Variants in FRY observed in about 807,000 individuals in gnomAD.
FRY encodes FRY microtubule binding protein.
Under a neutral mutation model 348.4 loss-of-function variants are expected in FRY, and 128 were observed. The observed-to-expected ratio is 0.37, with a 90% CI of 0.32 to 0.43. The LOEUF (loss-of-function observed/expected upper bound fraction) is 0.43. Among genes scored for constraint, FRY ranks in the 20% least tolerant of loss-of-function variants. The pLI, the probability that FRY is intolerant of heterozygous loss-of-function variation, is 1.00. For synonymous variants in FRY, 1,370 were observed against 1,374.7 expected (o/e 1.00, Z 0.08); for missense variants, 2,736 against 3,695.2 (o/e 0.74, Z 6.73).
chr13:32,213,056 G>A (rs1884775411), intron 35 of FRY, among the ~76,000 whole-genome samples: 1 of 152,124 alleles, frequency 6.6e-6, no homozygotes, highest in South Asian at 2.1e-4. Context: ...GATCCTCACG[G>A]TGCTTCAGCT....
intron 36 of FRY, among the ~76,000 whole-genome samples, chr13:32,221,927 CAGA>C (rs749519538): frequency 1.3e-4 from 20 of 152,206 alleles, no homozygotes; most frequent in South Asian, 4.1e-4. Context: ...ATGAACAGAA[CAGA>C]AGAAGTCCCC....
At chr13:32,210,484 C>T (rs1884625802) in intron 33 of FRY, among the ~76,000 whole-genome samples, 1 of 152,162 alleles carries the variant, frequency 6.6e-6, no homozygotes, top group Non-Finnish European at 1.5e-5. Flanking sequence ...AAGAGAATAG[C>T]AGGGGACTGG....
intron 33 of FRY, among the ~76,000 whole-genome samples, chr13:32,210,388 C>CAGGT (rs1884619234): frequency 6.6e-6 from 1 of 152,080 alleles, no homozygotes; most frequent in Non-Finnish European, 1.5e-5. Flanking sequence ...ACTATGAGGC[C>CAGGT]TGCAATAATG....
chr13:32,202,238 A>G (rs1884073188), intron 30 of FRY, 118 bp from the exon 31 acceptor site: 2 of 892,944 alleles, frequency 2.2e-6, no homozygotes, highest in Admixed American at 1.8e-5. Flanking sequence ...CTTTAATTCT[A>G]TTTTTAAATG....
rs914638822 is a variant in FRY at position 32,265,614 on chromosome 13, G to A, written c.7944G>A (p.Ala2648=). 3.3e-5 allele frequency: 54 copies of A among 1,613,724 alleles called. No individual in the cohort carries two copies. The highest frequency in any genetic ancestry group is 4.4e-5 in the Non-Finnish European group (52 of 1,179,800). The change falls in exon 54 of 61, where the codon GCG becomes GCA. Residue 2648 remains alanine, a splice_region_variant and synonymous_variant. Transcript: ENST00000542859. ...GGGCACTGGACCAGTTTACCCTGGCGAGGTAATGGAGCCCTTGGCTGATGT... is the reference window on the plus strand; with the variant it reads ...GGGCACTGGACCAGTTTACCCTGGCAAGGTAATGGAGCCCTTGGCTGATGT... ...GNRALDQFTL[A]SFGEGDRGVS...
At position 32,066,592 on chromosome 13, in the gene FRY, T is replaced by G. The variant is rs371673142; in HGVS notation, c.71-12242T>G. The stretch of plus-strand genomic sequence containing the variant: ...CATAACAAGTGCAGGTCTGTTTGTG[T>G]AAGATGTAGGATCTTTTTTTCTGTT... On this transcript the variant is annotated intron_variant, in intron 1 of 60. Transcript: ENST00000542859. 3.3e-5 allele frequency among the ~76,000 whole-genome samples: 5 copies of G among 152,370 alleles called. No homozygotes were observed. In the East Asian group the frequency reaches 9.7e-4, roughly 29 times the overall value.
At chr13:32,143,278 A>C (rs1434013306) in intron 11 of FRY, among the ~76,000 whole-genome samples, 1 of 152,242 alleles carries the variant, frequency 6.6e-6, no homozygotes, top group Non-Finnish European at 1.5e-5. Context: ...AGAGGCCAGA[A>C]AATCCATTTA....
intron 3 of FRY, among the ~76,000 whole-genome samples, chr13:32,111,852 T>TC (rs1750233467): frequency 6.6e-6 from 1 of 152,212 alleles, no homozygotes; most frequent in Admixed American, 6.5e-5. Context: ...GTTACTATCC[T>TC]CAGTGTCCTT....
intron 3 of FRY, among the ~76,000 whole-genome samples, chr13:32,110,709 A>T (rs902616420): frequency 1.3e-5 from 2 of 152,232 alleles, no homozygotes; most frequent in South Asian, 4.1e-4. Context: ...TTGCTTATGT[A>T]GTATTTAATG....
At chr13:32,163,523 GA>G (rs1363417257) in intron 17 of FRY, among the ~76,000 whole-genome samples, 1 of 152,154 alleles carries the variant, frequency 6.6e-6, no homozygotes, top group Non-Finnish European at 1.5e-5. Context: ...CGTCTGCAGG[GA>G]AAAAGTTTTC....
chr13:32,106,346 T>C (rs1877549149), intron 3 of FRY, among the ~76,000 whole-genome samples: 1 of 151,948 alleles, frequency 6.6e-6, no homozygotes, highest in Admixed American at 6.6e-5. Flanking sequence ...AGCCTGTGCT[T>C]TTTACTCCAT....
At chr13:32,216,492 T>C (rs1884997670) in intron 35 of FRY, among the ~76,000 whole-genome samples, 4 of 152,194 alleles carry the variant, frequency 2.6e-5, no homozygotes, top group Admixed American at 2.6e-4. Flanking sequence ...ATCCTGTAGT[T>C]CTTCCGGGTG....
chr13:32,233,578 C>A (rs1490542049), intron 41 of FRY, among the ~76,000 whole-genome samples: 2 of 152,198 alleles, frequency 1.3e-5, no homozygotes, highest in Non-Finnish European at 2.9e-5. Flanking sequence ...ATCTGCATAT[C>A]AATAAAGCAA....
Position 32,179,742 on chromosome 13 carries a change from T to C in FRY, c.2939T>C (p.Ile980Thr), listed in dbSNP as rs772398416. The C allele has an allele frequency of 3.0e-5, 49 of 1,613,358 alleles. No individual in the cohort carries two copies. The highest frequency in any genetic ancestry group is 6.7e-5 in the Admixed American group (4 of 60,004). ...QLVPLMRLES[I>T]EITESLVLGF... ...GTGCCTTTGATGAGACTAGAGAGCA[T>C]TGAGATCACAGAGTCCTTAGTTTTA... The change falls in exon 23 of 61, where the codon ATT (isoleucine) becomes ACT (threonine). Residue 980 changes from isoleucine to threonine, a missense_variant. By Grantham distance (89) the Ile-to-Thr change is moderately conservative. Transcript: ENST00000542859.
intron 28 of FRY, among the ~76,000 whole-genome samples, chr13:32,189,265 C>T (rs1478423017): frequency 6.6e-6 from 1 of 152,102 alleles, no homozygotes; most frequent in Non-Finnish European, 1.5e-5. Context: ...TCTTCTCCTT[C>T]TTAGTGCCTC....
In FRY at chr13:32,218,856, T is replaced by G. The variant is rs773065681; in HGVS notation, c.4765+25T>G. 2.3e-5 allele frequency: 32 copies of G among 1,365,796 alleles called. No individual in the cohort carries two copies. In the South Asian group the frequency reaches 3.6e-4, roughly 15 times the overall value. 84.6% of individuals were successfully genotyped at this position (1,365,796 alleles called of 1,614,324 possible). ...AGTAAGTACCAACAGGCTGTGGGCT[T>G]TCAGACGGAACGCAAGTGGTCAGAG... On this transcript the variant is annotated intron_variant, in intron 36 of 60. Coordinates refer to ENST00000542859, the MANE Select transcript of FRY (RefSeq NM_023037.3).
intron 7 of FRY, among the ~76,000 whole-genome samples, chr13:32,131,099 C>T (rs1224465580): frequency 1.3e-5 from 2 of 152,098 alleles, no homozygotes; most frequent in Non-Finnish European, 2.9e-5. Context: ...TACAGGCGAG[C>T]GCCACTGCGC....
chr13:32,119,678 G>A (rs1219239112), intron 4 of FRY, among the ~76,000 whole-genome samples: 1 of 151,980 alleles, frequency 6.6e-6, no homozygotes, highest in Non-Finnish European at 1.5e-5. Context: ...TAATATAATG[G>A]ATATAAAGCC....
intron 32 of FRY, 116 bp downstream of exon 32, chr13:32,209,225 A>G (rs1884536554): frequency 2.6e-6 from 3 of 1,160,160 alleles, no homozygotes; most frequent in Admixed American, 3.5e-5. Context: ...GACTGGGGAT[A>G]AATAGTGGTG....
Sources: allele counts gnomAD v4.1 joint callset (sites outside exome capture counted in the v4.1 genomes callset), GRCh38; gene constraint gnomAD v4.1.1; transcripts MANE v1.5; gene names NCBI Gene and HGNC (gene_info 2026-07-23, HGNC 2026-07-21).